ATF7IP2: variants seen among roughly 807,000 people sequenced by gnomAD.
ATF7IP2 encodes activating transcription factor 7-interacting protein 2.
In ATF7IP2, 42 loss-of-function variants were observed where a neutral mutation model predicts 64.2. That is an observed-to-expected ratio of 0.65 (90% CI 0.51 to 0.85). The LOEUF is 0.85. Ranked by LOEUF, ATF7IP2 falls within the 40% of genes least tolerant of loss-of-function variation. ATF7IP2 has a pLI of 0.00. For synonymous variants in ATF7IP2, 308 were observed against 272.8 expected (o/e 1.13, Z -1.27); for missense variants, 933 against 784.2 (o/e 1.19, Z -2.27).
intron 13 of ATF7IP2, among the ~76,000 whole-genome samples, chr16:10,481,336 G>A (rs1335224821): frequency 2.0e-5 from 3 of 151,918 alleles, no homozygotes; most frequent in Admixed American, 1.3e-4. Flanking sequence ...GTTCAAGTGA[G>A]TCCCCTGCCT....
intron 9 of ATF7IP2, among the ~76,000 whole-genome samples, chr16:10,467,027 A>C (rs1317949384): frequency 6.6e-6 from 1 of 151,956 alleles, no homozygotes; most frequent in Non-Finnish European, 1.5e-5. Context: ...ATATCTTGCC[A>C]TAAGACAAGG....
chr16:10,452,313 G>A (rs573256967), intron 8 of ATF7IP2, among the ~76,000 whole-genome samples: 34 of 152,240 alleles, frequency 2.2e-4, no homozygotes, highest in Admixed American at 3.9e-4. Flanking sequence ...CTGAGTGGAC[G>A]TCCTTTTTGT....
chr16:10,391,645 C>G (rs2047326643), intron 1 of ATF7IP2, among the ~76,000 whole-genome samples: 1 of 152,052 alleles, frequency 6.6e-6, no homozygotes, highest in Admixed American at 6.6e-5. Context: ...TGCCTGTAAT[C>G]CCAGCACTTT....
In ATF7IP2 at chr16:10,480,933, A is replaced by G. The variant is rs762493285; in HGVS notation, c.1604A>G (p.Glu535Gly). 2.5e-6 allele frequency: 4 copies of G among 1,612,668 alleles called. No homozygotes were observed. In the Admixed American group the frequency reaches 5.0e-5, roughly 20 times the overall value. ...SHSKAASNSK[E>G]TTPLAQNAVQ... ...TCGAAAGCTGCTTCAAACTCAAAGG[A>G]AACAACCCCATTGGCACAAAATGCA... is the stretch of plus-strand genomic sequence containing the variant. The change falls in exon 13 of 14, where the codon GAA (glutamate) becomes GGA (glycine). Residue 535 changes from glutamate (E) to glycine (G), a missense_variant. By Grantham distance (98) the Glu-to-Gly change is moderately conservative (BLOSUM62 -2). Coordinates refer to ENST00000562102, the MANE Select transcript of ATF7IP2 (RefSeq NM_001393719.1).
chr16:10,454,904 C>G (rs1427495699), intron 8 of ATF7IP2, among the ~76,000 whole-genome samples: 2 of 151,890 alleles, frequency 1.3e-5, no homozygotes, highest in African/African-American at 2.4e-5. Context: ...TTTTATAATA[C>G]CTGATTTCAT....
intron 9 of ATF7IP2, among the ~76,000 whole-genome samples, chr16:10,459,410 G>C (rs528357850): frequency 4.3e-4 from 65 of 151,840 alleles, no homozygotes; most frequent in African/African-American, 1.5e-3. Context: ...GGAGCTTGCA[G>C]TGAGCCGGTA....
At chr16:10,423,877 C>T (rs562199381) in intron 3 of ATF7IP2, among the ~76,000 whole-genome samples, 1 of 152,166 alleles carries the variant, frequency 6.6e-6, no homozygotes, top group African/African-American at 2.4e-5. Flanking sequence ...TAAGAGTACT[C>T]GGGTGTCCTC....
intron 9 of ATF7IP2, among the ~76,000 whole-genome samples, chr16:10,469,320 G>A (rs2049701104): frequency 6.6e-6 from 1 of 152,090 alleles, no homozygotes; most frequent in South Asian, 2.1e-4. Context: ...GAGACCTATG[G>A]AACAGTATCA....
At chr16:10,412,010 G>GTTTTTTTTTTTTTTTT (rs71133351) in intron 1 of ATF7IP2, among the ~76,000 whole-genome samples, 8 of 58,388 alleles carry the variant, frequency 1.4e-4, no homozygotes, top group South Asian at 5.3e-4. Context: ...ATCTTTTTTT[G>GTTTTTTTTTTTTTTTT]TTTTTTTTTT....
At chr16:10,423,658 A>C (rs1395181783) in intron 3 of ATF7IP2, among the ~76,000 whole-genome samples, 1 of 152,198 alleles carries the variant, frequency 6.6e-6, no homozygotes, top group Admixed American at 6.5e-5. Context: ...GGGGTGCAGA[A>C]GGGTAGGGAC....
intron 8 of ATF7IP2, among the ~76,000 whole-genome samples, chr16:10,451,922 G>A (rs145587797): frequency 1.3e-5 from 2 of 152,084 alleles, no homozygotes; most frequent in Non-Finnish European, 2.9e-5. Context: ...GCGTGGTGGT[G>A]CACGCCTGTA....
chr16:10,390,519 A>G (rs2047300930), intron 1 of ATF7IP2, among the ~76,000 whole-genome samples: 1 of 152,192 alleles, frequency 6.6e-6, no homozygotes. Context: ...ATGCTGACTC[A>G]TGCCTGTAAT....
intron 8 of ATF7IP2, among the ~76,000 whole-genome samples, chr16:10,453,061 C>A (rs1596555410): frequency 6.6e-6 from 1 of 152,214 alleles, no homozygotes; most frequent in East Asian, 1.9e-4. Flanking sequence ...ACTTGGCTCC[C>A]TGGCTTCAGC....
At chr16:10,436,038 A>T (rs1473874502) in intron 6 of ATF7IP2, among the ~76,000 whole-genome samples, 2 of 152,210 alleles carry the variant, frequency 1.3e-5, no homozygotes, top group African/African-American at 4.8e-5. Context: ...TAGAAACCAC[A>T]CGAGTAATAG....
Position 10,392,306 on chromosome 16 carries a change from C to T in ATF7IP2, c.-242+6184C>T, listed in dbSNP as rs371925093. On this transcript the variant is annotated intron_variant, in intron 1 of 13. Coordinates refer to ENST00000562102, the MANE Select transcript of ATF7IP2 (RefSeq NM_001393719.1). ...CACATGCCTTGGCCTCCTAAAGTGC[C>T]GGGATTATAGTCATGAGCCACTGCG... 2.0e-4 allele frequency among the ~76,000 whole-genome samples: 30 copies of T among 149,944 alleles called. No individual in the cohort carries two copies. The East Asian group carries it at 4.9e-3, about 24-fold the overall frequency.
chr16:10,445,200 A>G (rs777273171), intron 8 of ATF7IP2: 2 of 152,200 alleles, frequency 1.3e-5, no homozygotes, highest in Non-Finnish European at 2.9e-5. Flanking sequence ...TGCAGCTGAG[A>G]CAAGACCTCC....
chr16:10,438,024 A>G, intron 6 of ATF7IP2, 77 bp from the exon 7 acceptor site: 1 of 1,165,182 alleles, frequency 8.6e-7, no homozygotes, highest in Non-Finnish European at 1.2e-6. Context: ...GAAAAGAGCA[A>G]GGCTTTTTAA....
intron 3 of ATF7IP2, among the ~76,000 whole-genome samples, chr16:10,426,091 A>C (rs2048080832): frequency 1.3e-5 from 2 of 152,200 alleles, no homozygotes; most frequent in African/African-American, 4.8e-5. Context: ...TGCTAAAATA[A>C]ATTCTAGATG....
At chr16:10,419,031 G>A (rs986983115) in intron 2 of ATF7IP2, among the ~76,000 whole-genome samples, 41 of 152,172 alleles carry the variant, frequency 2.7e-4, no homozygotes, top group Admixed American at 4.6e-4. Context: ...GAATCGTTGC[G>A]CAGCACCTCT....
Sources: allele counts gnomAD v4.1 joint callset (sites outside exome capture counted in the v4.1 genomes callset), GRCh38; gene constraint gnomAD v4.1.1; transcripts MANE v1.5; gene names NCBI Gene and HGNC (gene_info 2026-07-23, HGNC 2026-07-21).